PAK1: variants seen among roughly 807,000 people sequenced by gnomAD.
PAK1 encodes the protein serine/threonine-protein kinase PAK 1.
In PAK1, 29 loss-of-function variants were observed where a neutral mutation model predicts 67.4. The ratio of observed to expected loss-of-function variants is 0.43; its 90% CI spans 0.32 to 0.59. The LOEUF (loss-of-function observed/expected upper bound fraction) is 0.59. PAK1 is among the 20% of genes least tolerant of loss of function. The pLI, the probability that PAK1 is intolerant of heterozygous loss-of-function variation, is 0.07. For synonymous variants in PAK1, 223 were observed against 237.4 expected, an observed-to-expected ratio of 0.94 and a Z score of 0.56; for missense variants, 337 against 670.7, an observed-to-expected ratio of 0.50 and a Z score of 5.50.
intron 2 of PAK1, among the ~76,000 whole-genome samples, chr11:77,384,434 AT>A (rs1592134047): frequency 6.6e-6 from 1 of 152,242 alleles, no homozygotes; most frequent in East Asian, 1.9e-4. Context: ...ATGAAAACTT[AT>A]GTCTACACAA....
chr11:77,454,022 C>A (rs1368265025), intron 1 of PAK1, among the ~76,000 whole-genome samples: 2 of 152,134 alleles, frequency 1.3e-5, no homozygotes, highest in African/African-American at 4.8e-5. Flanking sequence ...TATGATCAGG[C>A]CACTGTACTC....
chr11:77,523,420 C>CTTTT, the PAK1 span, among the ~76,000 whole-genome samples: 1 of 140,326 alleles, frequency 7.1e-6, no homozygotes, highest in African/African-American at 2.6e-5. Flanking sequence ...ATGCTTTCTA[C>CTTTT]TTTTTTTTTT....
chr11:77,429,847 T>G (rs1451740968), intron 1 of PAK1, among the ~76,000 whole-genome samples: 1 of 152,268 alleles, frequency 6.6e-6, no homozygotes, highest in African/African-American at 2.4e-5. Context: ...TTCCTGATTT[T>G]GATGGTTGCA....
At chr11:77,389,222 G>A (rs557523743) in intron 2 of PAK1, among the ~76,000 whole-genome samples, 11 of 152,228 alleles carry the variant, frequency 7.2e-5, no homozygotes, top group African/African-American at 2.4e-4. Flanking sequence ...ACTTAACACA[G>A]CATTTTCAAG....
intron 14 of PAK1, among the ~76,000 whole-genome samples, chr11:77,330,104 A>G (rs1245586453): frequency 2.6e-5 from 4 of 152,192 alleles, no homozygotes; most frequent in Admixed American, 1.3e-4. Context: ...TTCAAGGAGA[A>G]CTACAAACCA....
chr11:77,373,185 T>A (rs985492188), intron 5 of PAK1, among the ~76,000 whole-genome samples: 2 of 152,088 alleles, frequency 1.3e-5, no homozygotes, highest in Non-Finnish European at 2.9e-5. Flanking sequence ...TTTGCAAATG[T>A]TTAGTAAATC....
At chr11:77,325,489 T>C in intron 14 of PAK1, 1 of 1,126,210 alleles carries the variant, frequency 8.9e-7, no homozygotes. Flanking sequence ...ATGGTAAAGA[T>C]TCAATATAAC....
chr11:77,515,797 A>G, the PAK1 span, among the ~76,000 whole-genome samples: 46,554 of 152,144 alleles, frequency 0.31, 7,961 homozygotes, highest in East Asian at 0.4. Context: ...CAGCAAATAT[A>G]TGTTCAGGAG....
intron 1 of PAK1, among the ~76,000 whole-genome samples, chr11:77,445,065 A>G: frequency 6.6e-6 from 1 of 152,224 alleles, no homozygotes; most frequent in East Asian, 1.9e-4. Flanking sequence ...TCAAGTTAAA[A>G]TGAGGTCATT....
At chr11:77,479,214 G>T (rs979952486), upstream of PAK1, among the ~76,000 whole-genome samples, 5 of 152,074 alleles carry the variant, frequency 3.3e-5, no homozygotes, top group African/African-American at 9.7e-5. Flanking sequence ...GAGTTCTATG[G>T]CTTCAAGGAA....
chr11:77,359,333 C>G (rs575437016), intron 5 of PAK1, among the ~76,000 whole-genome samples: 1 of 152,068 alleles, frequency 6.6e-6, no homozygotes, highest in African/African-American at 2.4e-5. Flanking sequence ...GCTCACAGTA[C>G]CTTCTTATTC....
intron 5 of PAK1, among the ~76,000 whole-genome samples, chr11:77,370,338 T>C (rs775390811): frequency 6.6e-6 from 1 of 152,234 alleles, no homozygotes; most frequent in South Asian, 2.1e-4. Flanking sequence ...GAGGCCCCTA[T>C]ACCCACAGCA....
chr11:77,470,935 G>T (rs534455118), intron 1 of PAK1, among the ~76,000 whole-genome samples: 1 of 152,292 alleles, frequency 6.6e-6, no homozygotes, highest in South Asian at 2.1e-4. Context: ...AACCTAAAAT[G>T]AATCCCCCAA....
intron 5 of PAK1, among the ~76,000 whole-genome samples, chr11:77,366,166 G>C (rs1423657184): frequency 6.6e-6 from 1 of 152,072 alleles, no homozygotes; most frequent in African/African-American, 2.4e-5. Context: ...CAAAGAGAAA[G>C]AGAATTTATT....
chr11:77,527,965 T>C, the PAK1 span, among the ~76,000 whole-genome samples: 4 of 152,096 alleles, frequency 2.6e-5, no homozygotes, highest in South Asian at 6.2e-4. Context: ...TCCTCCCACC[T>C]CAGCCTCCCA....
At chr11:77,521,456 G>A in the PAK1 span, among the ~76,000 whole-genome samples, 3 of 152,070 alleles carry the variant, frequency 2.0e-5, no homozygotes, top group African/African-American at 2.4e-5. Flanking sequence ...TTGAACCCGG[G>A]AGGTGGAGGT....
At chr11:77,404,562 C>T (rs751311758) in intron 1 of PAK1, among the ~76,000 whole-genome samples, 38 of 152,104 alleles carry the variant, frequency 2.5e-4, no homozygotes, top group African/African-American at 6.8e-4. Flanking sequence ...CCACTGCACC[C>T]GGCCAATGAG....
At chr11:77,414,525 T>C (rs1954843292) in intron 1 of PAK1, among the ~76,000 whole-genome samples, 1 of 152,214 alleles carries the variant, frequency 6.6e-6, no homozygotes. Context: ...ACAGTGATAA[T>C]GACAATGTGA....
Position 77,424,432 on chromosome 11 carries a change from C to T in PAK1, c.-21-31891G>A, listed in dbSNP as rs58403370. Among the ~76,000 whole-genome samples, 1,471 of 152,236 alleles carry T rather than the reference C, an allele frequency of 9.7e-3. 21 individuals are homozygous for T. Among genetic ancestry groups the T allele is most frequent in the African/African-American group, 0.034 (1,418 of 41,542 alleles). On this transcript the variant is annotated intron_variant, in intron 1 of 14. Coordinates refer to ENST00000356341, the MANE Select transcript of PAK1 (RefSeq NM_002576.5). ...CTGCATATTTGCCCCTAATGAGACTCATAAAATGGGGAACACAAAATACTG... is the reference window on the plus strand; with the variant it reads ...CTGCATATTTGCCCCTAATGAGACTTATAAAATGGGGAACACAAAATACTG...
Sources: allele counts gnomAD v4.1 joint callset (sites outside exome capture counted in the v4.1 genomes callset), GRCh38; gene constraint gnomAD v4.1.1; transcripts MANE v1.5; gene names NCBI Gene and HGNC (gene_info 2026-07-23, HGNC 2026-07-21).